The following ERBIN variants were observed in gnomAD, a reference collection of about 807,000 sequenced individuals.
ERBIN encodes densin-180-like protein.
Under a neutral mutation model 158.4 loss-of-function variants are expected in ERBIN, and 60 were observed. That is an observed-to-expected ratio of 0.38 (90% CI 0.31 to 0.47). The LOEUF is 0.47. ERBIN is among the 20% of genes least tolerant of loss of function. The pLI, the probability that ERBIN is intolerant of heterozygous loss-of-function variation, is 0.99. For missense variants in ERBIN, 1,610 were observed against 1,648.0 expected (o/e 0.98, Z 0.40); for synonymous variants, 594 against 557.2 (o/e 1.07, Z -0.93).
chr5:65,933,828 T>C (rs1743744220), intron 1 of ERBIN, among the ~76,000 whole-genome samples: 1 of 152,330 alleles, frequency 6.6e-6, no homozygotes, highest in South Asian at 2.1e-4. Flanking sequence ...GACTGACATA[T>C]GGAAAAGTTT....
chr5:65,992,937 C>T, intron 3 of ERBIN, 30 bp downstream of exon 3: 2 of 1,456,506 alleles, frequency 1.4e-6, no homozygotes, highest in South Asian at 1.4e-5. Flanking sequence ...CAAGAATTAT[C>T]TTTGGTTATT....
At chr5:65,974,521 T>C (rs1030706223) in intron 1 of ERBIN, among the ~76,000 whole-genome samples, 1 of 152,146 alleles carries the variant, frequency 6.6e-6, no homozygotes, top group Non-Finnish European at 1.5e-5. Flanking sequence ...AGTAGATTGA[T>C]ACCCTGTTAT....
chr5:66,053,622 T>TAGA lies in ERBIN; in HGVS notation c.2305_2306insGAA (p.Asn768_Lys769insArg), dbSNP rs1381199617. On this transcript the variant is annotated inframe_insertion, in exon 21 of 26. Coordinates refer to ENST00000284037, the MANE Select transcript of ERBIN (RefSeq NM_001253697.2). ...TAGATCATATCAATATGAATCTTAATAAACTTATAACTAATGATACATTTC... is the reference window on the plus strand; with the variant it reads ...TAGATCATATCAATATGAATCTTAATAGAAAACTTATAACTAATGATACATTTC... 1 of 1,611,358 alleles carries TAGA rather than the reference T, an allele frequency of 6.2e-7. No homozygotes were observed. Among genetic ancestry groups the TAGA allele is most frequent in the East Asian group, 2.2e-5 (1 of 44,832 alleles).
At chr5:65,932,901 A>G (rs1262461105) in intron 1 of ERBIN, among the ~76,000 whole-genome samples, 2 of 151,962 alleles carry the variant, frequency 1.3e-5, no homozygotes, top group African/African-American at 2.4e-5. Flanking sequence ...GGCTCAAGCT[A>G]TCCTGTCACC....
In ERBIN at chr5:66,063,035, C is replaced by T. The variant is rs540682793; in HGVS notation, c.3633+8084C>T. Among the ~76,000 whole-genome samples, 34 of 152,332 alleles carry T rather than the reference C, an allele frequency of 2.2e-4. 1 individual carries two copies. The highest frequency in any genetic ancestry group is 2.1e-4 in the South Asian group (1 of 4,830). On this transcript the variant is annotated intron_variant, in intron 21 of 25. Coordinates refer to ENST00000284037, the MANE Select transcript of ERBIN (RefSeq NM_001253697.2). ...CTGCCTGTTCTCAGATCTCAAGCTGCGTGCTGGGAGAACCACTACTCTCTT... is the reference window on the plus strand; with the variant it reads ...CTGCCTGTTCTCAGATCTCAAGCTGTGTGCTGGGAGAACCACTACTCTCTT...
intron 25 of ERBIN, among the ~76,000 whole-genome samples, chr5:66,077,781 C>CACACACACAT (rs941368233): frequency 7.7e-6 from 1 of 129,934 alleles, no homozygotes; most frequent in Non-Finnish European, 1.7e-5. Context: ...CACACACACA[C>CACACACACAT]ACACACACAC....
intron 1 of ERBIN, among the ~76,000 whole-genome samples, chr5:65,947,789 G>A (rs763867085): frequency 4.0e-5 from 6 of 151,894 alleles, no homozygotes; most frequent in South Asian, 2.1e-4. Context: ...GGCAGATCAC[G>A]TGAGGTCAGG....
chr5:66,039,400 A>G (rs1442085343), intron 15 of ERBIN, among the ~76,000 whole-genome samples: 2 of 151,904 alleles, frequency 1.3e-5, no homozygotes, highest in Non-Finnish European at 2.9e-5. Flanking sequence ...TATCTAGTAT[A>G]TTGCATAGCT....
chr5:66,033,965 C>T (rs1757138039), intron 14 of ERBIN, among the ~76,000 whole-genome samples: 2 of 151,902 alleles, frequency 1.3e-5, no homozygotes, highest in African/African-American at 4.8e-5. Context: ...AAAAATTAGC[C>T]GGGCGTGGTG....
chr5:66,020,845 T>C (rs1755610582), intron 7 of ERBIN, among the ~76,000 whole-genome samples: 1 of 152,000 alleles, frequency 6.6e-6, no homozygotes, highest in African/African-American at 2.4e-5. Context: ...TTTGAACATG[T>C]GGGGAGTAAT....
At chr5:65,982,666 G>A (rs1750784000) in intron 1 of ERBIN, among the ~76,000 whole-genome samples, 1 of 59,178 alleles carries the variant, frequency 1.7e-5, no homozygotes, top group Non-Finnish European at 4.3e-5. Context: ...AATTACATAG[G>A]CCAAAATTAA....
chr5:66,032,708 T>C (rs1757009707), intron 14 of ERBIN, among the ~76,000 whole-genome samples: 1 of 152,216 alleles, frequency 6.6e-6, no homozygotes, highest in Admixed American at 6.5e-5. Flanking sequence ...TTGGAGGACA[T>C]TGTCATACTC....
chr5:65,937,514 T>C, intron 1 of ERBIN, among the ~76,000 whole-genome samples: 1 of 152,206 alleles, frequency 6.6e-6, no homozygotes, highest in Admixed American at 6.5e-5. Context: ...TTTTGACCTC[T>C]CTCCCCTTCA....
intron 10 of ERBIN, among the ~76,000 whole-genome samples, chr5:66,025,027 C>T (rs148064369): frequency 3.3e-5 from 5 of 152,168 alleles, no homozygotes; most frequent in Middle Eastern, 6.8e-3. Context: ...TTAGTCAACA[C>T]TTTTTAAACT....
intron 17 of ERBIN, among the ~76,000 whole-genome samples, chr5:66,045,491 C>A (rs73763078): frequency 0.059 from 8,754 of 149,062 alleles, 883 homozygotes; most frequent in African/African-American, 0.21. Context: ...TACATATAGC[C>A]TATGTGTGTA....
intron 1 of ERBIN, among the ~76,000 whole-genome samples, chr5:65,968,945 CA>C (rs1748961471): frequency 6.6e-6 from 1 of 152,064 alleles, no homozygotes; most frequent in Non-Finnish European, 1.5e-5. Flanking sequence ...TTTGTTTTCC[CA>C]AATCTTTGTT....
chr5:65,935,380 CTT>C (rs1213847355), intron 1 of ERBIN, among the ~76,000 whole-genome samples: 1 of 152,024 alleles, frequency 6.6e-6, no homozygotes, highest in African/African-American at 2.4e-5. Flanking sequence ...ATACTTGTAA[CTT>C]ATCTCTAACA....
chr5:66,053,871 A>G lies in ERBIN; in HGVS notation c.2553A>G (p.Lys851=). The G allele has an allele frequency of 1.2e-6, 2 of 1,614,144 alleles. No individual in the cohort carries two copies. The highest frequency in any genetic ancestry group is 1.7e-6 in the Non-Finnish European group (2 of 1,180,012). Residue 851 remains lysine, a synonymous_variant, in exon 21 of 26, where the codon AAA becomes AAG. Coordinates refer to ENST00000284037, the MANE Select transcript of ERBIN (RefSeq NM_001253697.2). ...SDCSVDLGIS[K]STEDLSPQKS... ...GTTCTGTTGACTTAGGTATTTCCAA[A>G]AGCACTGAAGATCTCTCCCCTCAGA...
intron 8 of ERBIN, chr5:66,022,912 T>A (rs1755849402): frequency 6.4e-6 from 1 of 155,742 alleles, no homozygotes. Flanking sequence ...ATCTTCTTAC[T>A]GATAATGCAT....
Sources: gnomAD v4.1 joint callset for allele counts (sites outside exome capture counted in the v4.1 genomes callset) on GRCh38, gnomAD v4.1.1 for gene constraint, MANE v1.5 for transcripts, NCBI Gene and HGNC (gene_info 2026-07-23, HGNC 2026-07-21) for gene names.